Variants in ZNF564 observed in about 807,000 individuals in gnomAD.
ZNF564 encodes zinc finger protein 564.
Under a neutral mutation model 10.5 loss-of-function variants are expected in ZNF564, and 5 were observed. The observed-to-expected ratio is 0.48, with a 90% CI of 0.25 to 1.00. The LOEUF (loss-of-function observed/expected upper bound fraction) is 1.00, where lower values mean the gene tolerates loss of function less well. Among genes scored for constraint, ZNF564 ranks in the 50% least tolerant of loss-of-function variants. ZNF564 has a pLI of 0.16. For synonymous variants in ZNF564, 242 were observed against 218.1 expected, an observed-to-expected ratio of 1.11 and a Z score of -0.97; for missense variants, 603 against 669.7, an observed-to-expected ratio of 0.90 and a Z score of 1.10.
intron 1 of ZNF564, among the ~76,000 whole-genome samples, chr19:12,531,876 G>A (rs949697819): frequency 6.6e-6 from 1 of 152,200 alleles, no homozygotes; most frequent in Admixed American, 6.5e-5. Flanking sequence ...TTAGAAGACA[G>A]ATGCTGTTAT....
intron 1 of ZNF564, among the ~76,000 whole-genome samples, chr19:12,536,787 C>T (rs2021924217): frequency 6.6e-6 from 1 of 152,092 alleles, no homozygotes; most frequent in Non-Finnish European, 1.5e-5. Flanking sequence ...TCACATCCAG[C>T]CCTGAAGTCT....
Position 12,526,256 on chromosome 19 carries a change from TCCGAAC to T in ZNF564, c.*184_*189del, listed in dbSNP as rs1235563485. On this transcript the variant is annotated 3_prime_UTR_variant, in exon 4 of 4. Coordinates refer to ENST00000339282, the MANE Select transcript of ZNF564 (RefSeq NM_144976.4). ...TGCTGAGGCAAAATTCTTCTTCAGCTCCGAACCGGTGAAAACCAAACTAGTCATGTA... is the reference window on the plus strand; with the variant it reads ...TGCTGAGGCAAAATTCTTCTTCAGCTCGGTGAAAACCAAACTAGTCATGTA... 1.8e-6 allele frequency: 1 copy of T among 547,070 alleles called. No homozygotes were observed. The highest frequency in any genetic ancestry group is 3.1e-6 in the Non-Finnish European group (1 of 322,148). The allele number at this position is 547,070 out of a possible 1,614,324, so 33.9% of individuals were successfully genotyped here. A position where few individuals can be genotyped will look rare whatever the true frequency, so the allele number is the denominator to read the frequency against.
At chr19:12,528,752 T>C in intron 1 of ZNF564, 56 bp from the exon 2 acceptor site, 2 of 1,549,208 alleles carry the variant, frequency 1.3e-6, no homozygotes, top group Non-Finnish European at 1.7e-6. Context: ...AGTACAGGGA[T>C]GTAAACCCAA....
intron 1 of ZNF564, 53 bp from the exon 2 acceptor site, chr19:12,528,749 G>C (rs2021741706): frequency 1.3e-6 from 2 of 1,562,790 alleles, no homozygotes; most frequent in South Asian, 1.2e-5. Flanking sequence ...GACAGTACAG[G>C]GATGTAAACC....
Position 12,528,836 on chromosome 19 carries a change from T to C in ZNF564, c.4-140A>G, listed in dbSNP as rs2021743839. On this transcript the variant is annotated intron_variant, in intron 1 of 3. Transcript: ENST00000339282. ...CCCAGCACTTTGGGAGGCCAAGGCA[T>C]ACAGATCACCTGAGGTCAGGAACTT... is the stretch of plus-strand genomic sequence containing the variant. 3 of 890,966 alleles carry C rather than the reference T, an allele frequency of 3.4e-6. No homozygotes were observed. In the South Asian group the frequency reaches 5.4e-5, roughly 16 times the overall value. 55.2% of individuals were successfully genotyped at this position (890,966 alleles called of 1,614,324 possible).
In ZNF564 at chr19:12,527,332, C is replaced by G; in HGVS notation, c.776G>C (p.Gly259Ala). The change falls in exon 4 of 4, where the codon GGA becomes GCA. Residue 259 changes from glycine to alanine, a missense_variant. Coordinates refer to ENST00000339282, the MANE Select transcript of ZNF564 (RefSeq NM_144976.4). ...TAAACTGGGGCGGTCAAAGGCTTTT[C>G]CACATTCCTGACATTTATAAGGTCC... Reference protein sequence around the residue: ...GDGPYKCQECGKAFDRPSLFR... With the variant: ...GDGPYKCQECAKAFDRPSLFR... The G allele has an allele frequency of 6.2e-7, 1 of 1,614,042 alleles. No homozygotes were observed. The highest frequency in any genetic ancestry group is 8.5e-7 in the Non-Finnish European group (1 of 1,179,998).
chr19:12,544,072 A>C (rs1004712210), intron 1 of ZNF564, among the ~76,000 whole-genome samples: 2 of 152,138 alleles, frequency 1.3e-5, no homozygotes, highest in African/African-American at 4.8e-5. Flanking sequence ...TGAAAACTAC[A>C]TGTGTGCTGT....
chr19:12,536,149 A>G (rs2021907246), intron 1 of ZNF564, among the ~76,000 whole-genome samples: 1 of 152,138 alleles, frequency 6.6e-6, no homozygotes. Context: ...GAAGAGACTC[A>G]TGACTGAAAA....
At chr19:12,543,753 T>C (rs761304362) in intron 1 of ZNF564, among the ~76,000 whole-genome samples, 2 of 151,552 alleles carry the variant, frequency 1.3e-5, no homozygotes, top group Non-Finnish European at 2.9e-5. Flanking sequence ...CAGTACACTG[T>C]TAGAAAATGT....
rs542904394 is a variant in ZNF564 at position 12,527,224 on chromosome 19, T to C, written c.884A>G (p.Asn295Ser). 3.8e-5 allele frequency: 62 copies of C among 1,613,738 alleles called. No individual in the cohort carries two copies. The highest frequency in any genetic ancestry group is 5.3e-5 in the Non-Finnish European group (62 of 1,179,904). Residue 295 changes from asparagine to serine, a missense_variant, in exon 4 of 4, where the codon AAT becomes AGT. Transcript: ENST00000339282. ...GTGCCTAATCATATGACTTTGAAAA[T>C]TTGTGAAAGAAATGAAGGCCTTCCC... ...QCGKAFISFT[N>S]FQSHMIRHTG...
intron 1 of ZNF564, among the ~76,000 whole-genome samples, chr19:12,539,750 C>T (rs149518541): frequency 4.7e-5 from 7 of 149,232 alleles, no homozygotes; most frequent in African/African-American, 1.2e-4. Flanking sequence ...CTGAGGTGGG[C>T]GGATCACAAG....
intron 1 of ZNF564, among the ~76,000 whole-genome samples, chr19:12,546,568 A>G (rs1053336059): frequency 2.0e-5 from 3 of 152,086 alleles, no homozygotes; most frequent in African/African-American, 7.2e-5. Context: ...TCTACTAAAA[A>G]TACAAAAAAA....
At chr19:12,528,801 T>A (rs10411589) in intron 1 of ZNF564, 105 bp from the exon 2 acceptor site, 1 of 1,322,746 alleles carries the variant, frequency 7.6e-7, no homozygotes, top group Non-Finnish European at 1.0e-6. Flanking sequence ...TGGTGGCTCA[T>A]GCCTGTAATC....
intron 1 of ZNF564, among the ~76,000 whole-genome samples, chr19:12,537,862 C>A (rs1568264581): frequency 6.6e-6 from 1 of 151,946 alleles, no homozygotes; most frequent in African/African-American, 2.4e-5. Flanking sequence ...TACCAATTTG[C>A]TTAATTCATT....
intron 1 of ZNF564, among the ~76,000 whole-genome samples, chr19:12,537,067 C>A (rs979551338): frequency 6.6e-6 from 1 of 152,178 alleles, no homozygotes; most frequent in African/African-American, 2.4e-5. Flanking sequence ...TAATCAGAAT[C>A]ATGCCATGTG....
chr19:12,534,034 G>C (rs2021860736), intron 1 of ZNF564, among the ~76,000 whole-genome samples: 1 of 152,050 alleles, frequency 6.6e-6, no homozygotes, highest in Non-Finnish European at 1.5e-5. Flanking sequence ...CACTCACGGT[G>C]GCAAACTGGG....
chr19:12,544,381 A>G (rs1269711372), intron 1 of ZNF564, among the ~76,000 whole-genome samples: 1 of 152,168 alleles, frequency 6.6e-6, no homozygotes, highest in Non-Finnish European at 1.5e-5. Context: ...TTCAGTGTAG[A>G]GCTGTCTATT....
chr19:12,533,544 T>C (rs933568108), intron 1 of ZNF564, among the ~76,000 whole-genome samples: 2 of 151,922 alleles, frequency 1.3e-5, no homozygotes, highest in Admixed American at 6.6e-5. Context: ...CTGGACAACA[T>C]GGTAAAACCT....
chr19:12,532,224 TA>T (rs1259333047), intron 1 of ZNF564, among the ~76,000 whole-genome samples: 6 of 150,732 alleles, frequency 4.0e-5, no homozygotes, highest in Non-Finnish European at 8.9e-5. Flanking sequence ...TTCATCTCTA[TA>T]AAAAAAATTT....
Sources: allele counts gnomAD v4.1 joint callset (sites outside exome capture counted in the v4.1 genomes callset), GRCh38; gene constraint gnomAD v4.1.1; transcripts MANE v1.5; gene names NCBI Gene and HGNC (gene_info 2026-07-23, HGNC 2026-07-21).